The following THTPA variants were observed in gnomAD, a reference collection of about 807,000 sequenced individuals.
The protein encoded by THTPA is thiamine-triphosphatase.
In THTPA, 16 loss-of-function variants were observed where a neutral mutation model predicts 16.5. The observed-to-expected ratio is 0.97, with a 90% CI of 0.66 to 1.47. THTPA has a LOEUF of 1.47. Ranked by LOEUF, THTPA falls within the 40% of genes most tolerant of loss-of-function variation. The probability of loss-of-function intolerance (pLI) is 0.00; values close to 1 mark genes in which losing one functional copy is unlikely to be tolerated. For missense variants in THTPA, 281 were observed against 280.9 expected, an observed-to-expected ratio of 1.00 and a Z score of 0.00; for synonymous variants, 110 against 115.5, an observed-to-expected ratio of 0.95 and a Z score of 0.30.
At chr14:23,550,006 G>A in the THTPA span, among the ~76,000 whole-genome samples, 1 of 152,194 alleles carries the variant, frequency 6.6e-6, no homozygotes, top group African/African-American at 2.4e-5. Flanking sequence ...GGAAAAAAGG[G>A]GTGAAGCAAA....
At chr14:23,512,101 C>T in the THTPA span, among the ~76,000 whole-genome samples, 2 of 152,110 alleles carry the variant, frequency 1.3e-5, no homozygotes, top group Non-Finnish European at 2.9e-5. Flanking sequence ...AGCCTGGCAG[C>T]CTGCCCTGTA....
At chr14:23,533,093 C>T in the THTPA span, 1 of 1,508,406 alleles carries the variant, frequency 6.6e-7, no homozygotes, top group South Asian at 1.2e-5. This position sits in a 1 kb window ranked among gnomAD's most constrained non-coding sequence, Gnocchi z 4.8. Flanking sequence ...GGCTAGAGGA[C>T]AGAGACAGAT....
upstream of THTPA, among the ~76,000 whole-genome samples, chr14:23,553,618 G>C (rs1180447456): frequency 6.6e-6 from 1 of 151,612 alleles, no homozygotes; most frequent in Non-Finnish European, 1.5e-5. Flanking sequence ...AAACAGGCCG[G>C]GCGTGGTGGC....
chr14:23,519,769 C>G, the THTPA span, among the ~76,000 whole-genome samples: 39 of 152,300 alleles, frequency 2.6e-4, no homozygotes, highest in East Asian at 5.4e-3. Context: ...ATGTAAGACA[C>G]TGCTTCAGTA....
intron 1 of THTPA, among the ~76,000 whole-genome samples, chr14:23,558,074 T>C (rs1448912446): frequency 6.6e-6 from 1 of 152,258 alleles, no homozygotes; most frequent in Non-Finnish European, 1.5e-5. Context: ...GTGCATCCCA[T>C]GGGGCCTTAC....
chr14:23,534,237 C>A, the THTPA span: 2 of 1,520,258 alleles, frequency 1.3e-6, no homozygotes, highest in South Asian at 2.4e-5. This position sits in a 1 kb window ranked among gnomAD's most constrained non-coding sequence, Gnocchi z 4.5. Context: ...CTGCTACTGG[C>A]GATTCTTTGG....
chr14:23,552,538 GC>G (rs1199661829), upstream of THTPA, among the ~76,000 whole-genome samples: 3 of 151,774 alleles, frequency 2.0e-5, no homozygotes, highest in Non-Finnish European at 4.4e-5. Context: ...TGATCCGCCT[GC>G]CTCGGCCTCC....
chr14:23,550,896 C>T, the THTPA span, among the ~76,000 whole-genome samples: 1 of 152,036 alleles, frequency 6.6e-6, no homozygotes, highest in Admixed American at 6.5e-5. Flanking sequence ...CCACAGCCGG[C>T]GGGGGGCCGC....
the THTPA span, among the ~76,000 whole-genome samples, chr14:23,545,643 T>C: frequency 6.6e-6 from 1 of 152,206 alleles, no homozygotes; most frequent in Admixed American, 6.5e-5. Context: ...ATCTGTAGGT[T>C]TGTGGAAACC....
At chr14:23,526,598 G>T in the THTPA span, 17 of 1,535,832 alleles carry the variant, frequency 1.1e-5, no homozygotes, top group Non-Finnish European at 1.5e-5. Flanking sequence ...GCTTCCTGAG[G>T]GTTTGTCTGG....
chr14:23,524,169 G>T, the THTPA span: 2 of 1,535,894 alleles, frequency 1.3e-6, no homozygotes, highest in Non-Finnish European at 1.7e-6. This position sits in a 1 kb window ranked among gnomAD's most constrained non-coding sequence, Gnocchi z 5.6. Flanking sequence ...GCTGGACTAG[G>T]CACCCCCCCA....
chr14:23,534,467 C>A, the THTPA span: 3 of 1,536,304 alleles, frequency 2.0e-6, no homozygotes, highest in South Asian at 2.4e-5. This position sits in a 1 kb window ranked among gnomAD's most constrained non-coding sequence, Gnocchi z 4.5. Context: ...CTTATGAGGG[C>A]CTTGCAGCCT....
chr14:23,558,547 A>T, intron 1 of THTPA, 148 bp from the exon 2 acceptor site: 2 of 973,674 alleles, frequency 2.1e-6, no homozygotes, highest in Non-Finnish European at 3.1e-6. Flanking sequence ...GGAGTGGACT[A>T]GTGTGTTACA....
the THTPA span, chr14:23,524,653 T>C: frequency 1.3e-6 from 2 of 1,536,358 alleles, no homozygotes; most frequent in East Asian, 2.4e-5. The surrounding 1 kb of genome is among the most constrained non-coding windows in gnomAD (Gnocchi z 5.6). Context: ...GGGAAGGTGA[T>C]GGAGTAGCCT....
In THTPA at chr14:23,560,030, G is replaced by A; in HGVS notation, c.*1190G>A. 3 of 1,603,840 alleles carry A rather than the reference G, an allele frequency of 1.9e-6. No individual in the cohort carries two copies. Among genetic ancestry groups the A allele is most frequent in the Admixed American group, 1.7e-5 (1 of 59,498 alleles). ...CCACTGGGGGCCTGCAGCTGCAGCT[G>A]GAGACTCTGAACACAGGAGTTTAAC... On this transcript the variant is annotated 3_prime_UTR_variant, in exon 2 of 2. Coordinates refer to ENST00000288014, the MANE Select transcript of THTPA (RefSeq NM_024328.6).
At chr14:23,518,041 T>A in the THTPA span, among the ~76,000 whole-genome samples, 208 of 152,324 alleles carry the variant, frequency 1.4e-3, 1 homozygote, top group Admixed American at 4.9e-3. The surrounding 1 kb of genome is among the most constrained non-coding windows in gnomAD (Gnocchi z 4.5). Context: ...GGAGTATAGG[T>A]CATGGGTCTT....
At chr14:23,534,283 G>A in the THTPA span, 1 of 1,532,592 alleles carries the variant, frequency 6.5e-7, no homozygotes, top group Non-Finnish European at 8.7e-7. The surrounding 1 kb of genome is among the most constrained non-coding windows in gnomAD (Gnocchi z 4.5). Context: ...GGCTGTGGGT[G>A]GAGAGGGTGG....
upstream of THTPA, chr14:23,555,829 G>C (rs576530988): frequency 2.6e-5 from 4 of 152,376 alleles, no homozygotes; most frequent in Admixed American, 1.3e-4. Flanking sequence ...TGTTGGAGAC[G>C]GGACTGGGGC....
chr14:23,534,509 C>A, the THTPA span: 2 of 1,536,166 alleles, frequency 1.3e-6, no homozygotes, highest in African/African-American at 1.4e-5. This position sits in a 1 kb window ranked among gnomAD's most constrained non-coding sequence, Gnocchi z 4.5. Flanking sequence ...GCTGGGCTAC[C>A]TGACAGGCCC....
Sources: gnomAD v4.1 joint callset for allele counts (sites outside exome capture counted in the v4.1 genomes callset) on GRCh38, gnomAD v4.1.1 for gene constraint, Gnocchi (gnomAD v3.1) non-coding constraint, MANE v1.5 for transcripts, NCBI Gene and HGNC (gene_info 2026-07-23, HGNC 2026-07-21) for gene names.